The following CES5A variants were observed in gnomAD, a reference collection of about 807,000 sequenced individuals.
CES5A encodes the protein carboxylesterase 5.
CES5A carries 67 observed loss-of-function variants against 62.9 expected under a neutral mutation model. The observed-to-expected ratio is 1.07, with a 90% CI of 0.88 to 1.31. The LOEUF (loss-of-function observed/expected upper bound fraction) is 1.31, where lower values mean the gene tolerates loss of function less well. Among genes scored for constraint, CES5A ranks in the 50% most tolerant of loss-of-function variants. The probability of loss-of-function intolerance (pLI) is 0.00; values close to 1 mark genes in which losing one functional copy is unlikely to be tolerated. For missense variants in CES5A, 748 were observed against 708.5 expected, an observed-to-expected ratio of 1.06 and a Z score of -0.63; for synonymous variants, 296 against 280.8, an observed-to-expected ratio of 1.05 and a Z score of -0.54.
At chr16:55,922,232 C>G (rs1020326804) in intron 1 of CES5A, among the ~76,000 whole-genome samples, 1 of 151,460 alleles carries the variant, frequency 6.6e-6, no homozygotes, top group African/African-American at 2.4e-5. Context: ...AACTCAATTC[C>G]CCAATTAAAA....
At chr16:55,874,477 T>TC (rs1300912740) in intron 1 of CES5A, among the ~76,000 whole-genome samples, 1 of 142,382 alleles carries the variant, frequency 7.0e-6, no homozygotes, top group Non-Finnish European at 1.5e-5. Context: ...ATTGCTGGCT[T>TC]CTTTTTTTTT....
intron 1 of CES5A, among the ~76,000 whole-genome samples, chr16:55,952,286 T>G (rs1198826053): frequency 6.6e-6 from 1 of 152,064 alleles, no homozygotes; most frequent in Non-Finnish European, 1.5e-5. Flanking sequence ...TTCATGAAAA[T>G]TTATAGTCTC....
upstream of CES5A, among the ~76,000 whole-genome samples, chr16:55,878,758 C>A (rs1321554828): frequency 6.8e-6 from 1 of 147,928 alleles, no homozygotes; most frequent in African/African-American, 2.5e-5. Flanking sequence ...CATCTCACCA[C>A]TGAACCCCAT....
intron 1 of CES5A, among the ~76,000 whole-genome samples, chr16:55,910,968 A>T (rs1408759083): frequency 6.6e-6 from 1 of 152,144 alleles, no homozygotes; most frequent in Non-Finnish European, 1.5e-5. Flanking sequence ...AGCCTGTCTC[A>T]CACGATTTCC....
intron 1 of CES5A, among the ~76,000 whole-genome samples, chr16:55,925,056 A>G (rs929841865): frequency 5.3e-5 from 8 of 152,258 alleles, no homozygotes; most frequent in Admixed American, 1.3e-4. Context: ...ACAGCAAAAG[A>G]AATGATCAAC....
chr16:55,944,226 A>T, intron 2 of CES5A: 1 of 638,986 alleles, frequency 1.6e-6, no homozygotes, highest in Non-Finnish European at 2.8e-6. Context: ...TCTGAACAAG[A>T]CCCCTCTCCT....
chr16:55,864,565 TG>T (rs201411316), intron 5 of CES5A, among the ~76,000 whole-genome samples: 11 of 152,224 alleles, frequency 7.2e-5, no homozygotes, highest in African/African-American at 2.6e-4. Context: ...AAATTATGTC[TG>T]GAAAAAAAAT....
intron 1 of CES5A, among the ~76,000 whole-genome samples, chr16:55,911,608 A>G (rs147880330): frequency 3.3e-5 from 5 of 152,328 alleles, no homozygotes; most frequent in African/African-American, 1.2e-4. Flanking sequence ...TACCTGAAGT[A>G]TCATATGAGC....
chr16:55,943,407 C>T (rs754581098), intron 2 of CES5A, among the ~76,000 whole-genome samples: 2 of 152,210 alleles, frequency 1.3e-5, no homozygotes, highest in Non-Finnish European at 2.9e-5. Flanking sequence ...TGTTAGGACT[C>T]CACAGCCAGT....
At chr16:55,906,729 T>C (rs1260642749) in intron 1 of CES5A, among the ~76,000 whole-genome samples, 3 of 152,156 alleles carry the variant, frequency 2.0e-5, no homozygotes, top group African/African-American at 7.2e-5. Flanking sequence ...AGAGATATTT[T>C]TAAGACAGAC....
intron 4 of CES5A, among the ~76,000 whole-genome samples, chr16:55,868,501 G>T (rs1318076396): frequency 6.6e-6 from 1 of 152,132 alleles, no homozygotes; most frequent in African/African-American, 2.4e-5. Context: ...CCTCTCTGAA[G>T]CCTCCCTGAT....
chr16:55,856,740 C>T (rs151269174), intron 8 of CES5A, among the ~76,000 whole-genome samples: 2 of 152,238 alleles, frequency 1.3e-5, no homozygotes, highest in African/African-American at 2.4e-5. Flanking sequence ...AAAATTTACA[C>T]GTTGAAGCCT....
At chr16:55,917,525 G>A (rs1467588594) in intron 1 of CES5A, among the ~76,000 whole-genome samples, 1 of 152,244 alleles carries the variant, frequency 6.6e-6, no homozygotes, top group African/African-American at 2.4e-5. Context: ...CATTGGACCA[G>A]GGGTCTCAGT....
chr16:55,927,529 C>A (rs1163143034), upstream of CES5A, among the ~76,000 whole-genome samples: 1 of 152,186 alleles, frequency 6.6e-6, no homozygotes, highest in Non-Finnish European at 1.5e-5. Context: ...CTTAACACCA[C>A]TAATCATCAG....
chr16:55,921,438 G>T (rs2142459684), intron 1 of CES5A, among the ~76,000 whole-genome samples: 1 of 151,924 alleles, frequency 6.6e-6, no homozygotes, highest in African/African-American at 2.4e-5. Context: ...AAATCATACA[G>T]GCCAGGAGGA....
chr16:55,873,074 T>G (rs1381702739), intron 2 of CES5A, among the ~76,000 whole-genome samples: 2 of 152,148 alleles, frequency 1.3e-5, no homozygotes, highest in African/African-American at 4.8e-5. Flanking sequence ...GCACCAGAAT[T>G]TCTTCTGCCA....
At chr16:55,949,728 G>T in intron 2 of CES5A, 1 of 647,826 alleles carries the variant, frequency 1.5e-6, no homozygotes, top group Non-Finnish European at 2.4e-6. Context: ...TGAGTCAGCT[G>T]TTGGCCAGAC....
At chr16:55,927,833 C>A (rs2034273789), upstream of CES5A, among the ~76,000 whole-genome samples, 1 of 152,150 alleles carries the variant, frequency 6.6e-6, no homozygotes, top group Non-Finnish European at 1.5e-5. Flanking sequence ...ATATGTTTAC[C>A]ACAGCACAAT....
intron 7 of CES5A, among the ~76,000 whole-genome samples, chr16:55,859,892 A>ACTTGT (rs2033318187): frequency 6.6e-6 from 1 of 152,174 alleles, no homozygotes; most frequent in East Asian, 1.9e-4. Context: ...AGGGGGCTAA[A>ACTTGT]CTTGTCTGTG....
Sources: allele counts gnomAD v4.1 joint callset (sites outside exome capture counted in the v4.1 genomes callset), GRCh38; gene constraint gnomAD v4.1.1; transcripts MANE v1.5; gene names NCBI Gene and HGNC (gene_info 2026-07-23, HGNC 2026-07-21).